The following FBXO47 variants were observed in gnomAD, a reference collection of about 807,000 sequenced individuals.
FBXO47 encodes F-box only protein 47.
Under a neutral mutation model 53.9 loss-of-function variants are expected in FBXO47, and 34 were observed. That is an observed-to-expected ratio of 0.63 (90% confidence interval 0.48 to 0.84). The LOEUF (loss-of-function observed/expected upper bound fraction) is 0.84. Ranked by LOEUF, FBXO47 falls within the 40% of genes least tolerant of loss-of-function variation. FBXO47 has a pLI of 0.00. For synonymous variants in FBXO47, 165 were observed against 181.6 expected (o/e 0.91, Z 0.73); for missense variants, 485 against 541.3 (o/e 0.90, Z 1.03).
At chr17:38,953,124 ACC>A (rs1905381423) in intron 5 of FBXO47, among the ~76,000 whole-genome samples, 3 of 96,226 alleles carry the variant, frequency 3.1e-5, no homozygotes, top group Admixed American at 2.1e-4. Flanking sequence ...TAAAAAAAAA[ACC>A]ACACACACAC....
chr17:38,946,349 T>C (rs1478473109), intron 6 of FBXO47, among the ~76,000 whole-genome samples: 1 of 85,732 alleles, frequency 1.2e-5, no homozygotes, highest in East Asian at 3.8e-4. Flanking sequence ...TATAAATATA[T>C]AAATATATAT....
chr17:38,965,789 A>G (rs1906082295), intron 1 of FBXO47, among the ~76,000 whole-genome samples: 1 of 149,996 alleles, frequency 6.7e-6, no homozygotes, highest in Non-Finnish European at 1.5e-5. Flanking sequence ...AGGCTGAGGC[A>G]GGAGAATCGC....
intron 6 of FBXO47, among the ~76,000 whole-genome samples, chr17:38,946,203 T>A (rs1448217420): frequency 8.0e-5 from 9 of 112,670 alleles, no homozygotes; most frequent in Non-Finnish European, 1.5e-4. Context: ...AAAATATATA[T>A]AAATATATAC....
Position 38,936,539 on chromosome 17 carries a change from A to G in FBXO47, c.*636T>C, listed in dbSNP as rs1325329519. ...ACAATATATACCTTCCTGTATGTATAGACCTTTTGTATGATTACCTTAAAG... is the reference window on the plus strand; with the variant it reads ...ACAATATATACCTTCCTGTATGTATGGACCTTTTGTATGATTACCTTAAAG... On this transcript the variant is annotated 3_prime_UTR_variant, in exon 11 of 11. Transcript: ENST00000378079. 6.6e-6 allele frequency: 1 copy of G among 152,176 alleles called. No homozygotes were observed. Among genetic ancestry groups the G allele is most frequent in the Non-Finnish European group, 1.5e-5 (1 of 68,028 alleles). 9.4% of individuals were successfully genotyped at this position (152,176 alleles called of 1,614,324 possible).
chr17:38,947,025 TA>T (rs1904960547), intron 6 of FBXO47, among the ~76,000 whole-genome samples: 1 of 136,022 alleles, frequency 7.4e-6, no homozygotes, highest in South Asian at 2.2e-4. Flanking sequence ...TATATAAACA[TA>T]TACAAATATA....
intron 3 of FBXO47, among the ~76,000 whole-genome samples, chr17:38,960,106 C>T (rs1166961666): frequency 2.0e-5 from 3 of 151,852 alleles, no homozygotes; most frequent in African/African-American, 4.8e-5. Flanking sequence ...TGCGCCCGGC[C>T]CAAAGCACAG....
chr17:38,960,533 A>G (rs1905770318), intron 3 of FBXO47, among the ~76,000 whole-genome samples: 1 of 152,058 alleles, frequency 6.6e-6, no homozygotes, highest in Non-Finnish European at 1.5e-5. Flanking sequence ...TCAGGGAGAA[A>G]AATTTCTTTC....
At chr17:38,946,658 GA>G (rs1173632587) in intron 6 of FBXO47, among the ~76,000 whole-genome samples, 1 of 1,330 alleles carries the variant, frequency 7.5e-4, no homozygotes, top group East Asian at 0.019. Context: ...AAATATATAT[GA>G]ATATATAAAT....
At chr17:38,946,833 AATATATAT>A (rs375802551) in intron 6 of FBXO47, among the ~76,000 whole-genome samples, 2 of 108,026 alleles carry the variant, frequency 1.9e-5, no homozygotes, top group African/African-American at 7.6e-5. Context: ...TAAATATATA[AATATATAT>A]AAACATATAA....
intron 6 of FBXO47, among the ~76,000 whole-genome samples, chr17:38,946,804 A>T (rs1315353993): frequency 2.1e-5 from 2 of 94,476 alleles, no homozygotes; most frequent in African/African-American, 8.9e-5. Flanking sequence ...ATATAGATAT[A>T]TAAACATATA....
intron 2 of FBXO47, among the ~76,000 whole-genome samples, chr17:38,962,621 A>AATC (rs1483828724): frequency 6.7e-6 from 1 of 148,216 alleles, no homozygotes; most frequent in Admixed American, 6.8e-5. Flanking sequence ...TAATAATAAT[A>AATC]ATAATAATAA....
chr17:38,962,023 A>G lies in FBXO47; in HGVS notation c.206T>C (p.Met69Thr), dbSNP rs1905837202. The G allele has an allele frequency of 1.9e-6, 3 of 1,612,378 alleles. No homozygotes were observed. The highest frequency in any genetic ancestry group is 2.5e-6 in the Non-Finnish European group (3 of 1,179,710). The change falls in exon 3 of 11, where the codon ATG becomes ACG. Residue 69 changes from methionine to threonine, a missense_variant. Transcript: ENST00000378079. ...LSVKDISMLS[M>T]VSKTVSQHII... Reference sequence around the variant, plus strand: ...GTGTTGGCTGACTGTTTTGGACACCATGCTTAGCATGCTGATATCCTTCAC... The same window carrying G: ...GTGTTGGCTGACTGTTTTGGACACCGTGCTTAGCATGCTGATATCCTTCAC...
At chr17:38,943,983 G>A (rs1258170768) in intron 7 of FBXO47, among the ~76,000 whole-genome samples, 5 of 150,800 alleles carry the variant, frequency 3.3e-5, no homozygotes, top group African/African-American at 9.8e-5. Flanking sequence ...CTTGAGGTAC[G>A]GAGTTCGAGA....
Position 38,957,258 on chromosome 17 carries a change from GAAAGT to G in FBXO47, c.353-10_353-6del. 6.3e-7 allele frequency: 1 copy of G among 1,597,678 alleles called. No homozygotes were observed. The highest frequency in any genetic ancestry group is 2.2e-5 in the East Asian group (1 of 44,660). On this transcript the variant is annotated splice_region_variant and splice_polypyrimidine_tract_variant and intron_variant, in intron 3 of 10. Coordinates refer to ENST00000378079, the MANE Select transcript of FBXO47 (RefSeq NM_001008777.3). ...TGCATCTTTTAAACAGTAGACCTAAGAAAGTAAAGAGACATAAGAAAAAATGACAA... is the reference window on the plus strand; with the variant it reads ...TGCATCTTTTAAACAGTAGACCTAAGAAAGAGACATAAGAAAAAATGACAA...
At chr17:38,945,265 C>T in intron 6 of FBXO47, 129 bp from the exon 7 acceptor site, 1 of 632,538 alleles carries the variant, frequency 1.6e-6, no homozygotes. Flanking sequence ...CAGGAAGTAA[C>T]CAAGAGATTA....
At chr17:38,956,591 CAA>C (rs1158036745) in intron 4 of FBXO47, among the ~76,000 whole-genome samples, 20 of 55,886 alleles carry the variant, frequency 3.6e-4, no homozygotes, top group Non-Finnish European at 2.5e-4. Context: ...TCTGTCTCAA[CAA>C]AAAAAAAAAA....
In FBXO47 at chr17:38,944,700, C is replaced by CAA. The variant is rs869294898; in HGVS notation, c.793+258_793+259dup. ...CTGGGTGACAGAGCAGACTCCGTCT[C>CAA]AAAAAAAAAAAAAAAAAAAAATTAG... On this transcript the variant is annotated intron_variant, in intron 7 of 10. Coordinates refer to ENST00000378079, the MANE Select transcript of FBXO47 (RefSeq NM_001008777.3). 1.4e-3 allele frequency among the ~76,000 whole-genome samples: 125 copies of CAA among 90,938 alleles called. 1 individual carries two copies. Among genetic ancestry groups the CAA allele is most frequent in the Admixed American group, 2.9e-3 (20 of 6,968 alleles). The allele number at this position is 90,938 out of a possible 152,430, so 59.7% of individuals were successfully genotyped here.
At chr17:38,957,059 A>T in intron 4 of FBXO47, 118 bp downstream of exon 4, 1 of 612,688 alleles carries the variant, frequency 1.6e-6, no homozygotes, top group Non-Finnish European at 2.8e-6. Context: ...TAATAAATCA[A>T]TTTTTTAGTG....
At chr17:38,943,334 T>C (rs1442697685) in intron 8 of FBXO47, among the ~76,000 whole-genome samples, 1 of 152,122 alleles carries the variant, frequency 6.6e-6, no homozygotes, top group African/African-American at 2.4e-5. Flanking sequence ...ATGGGAGTAA[T>C]TGAGCTAATT....
Sources: gnomAD v4.1 joint callset for allele counts (sites outside exome capture counted in the v4.1 genomes callset) on GRCh38, gnomAD v4.1.1 for gene constraint, MANE v1.5 for transcripts, NCBI Gene and HGNC (gene_info 2026-07-23, HGNC 2026-07-21) for gene names.